The following PPIP5K1 variants were observed in gnomAD, a reference collection of about 807,000 sequenced individuals.
PPIP5K1 encodes inositol hexakisphosphate and diphosphoinositol-pentakisphosphate kinase 1.
Under a neutral mutation model 27.7 loss-of-function variants are expected in PPIP5K1, and 6 were observed. The ratio of observed to expected loss-of-function variants is 0.22; its 90% confidence interval spans 0.12 to 0.43. The LOEUF (loss-of-function observed/expected upper bound fraction) is 0.43, where lower values mean the gene tolerates loss of function less well. PPIP5K1 is among the 20% of genes least tolerant of loss of function. The pLI, the probability that PPIP5K1 is intolerant of heterozygous loss-of-function variation, is 1.00. For synonymous variants in PPIP5K1, 145 were observed against 242.6 expected, an observed-to-expected ratio of 0.60 and a Z score of 3.74; for missense variants, 394 against 635.4, an observed-to-expected ratio of 0.62 and a Z score of 4.08.
chr15:43,548,875 A>T (rs1034395099), intron 30 of PPIP5K1, among the ~76,000 whole-genome samples: 6 of 150,814 alleles, frequency 4.0e-5, no homozygotes, highest in Non-Finnish European at 7.4e-5. Flanking sequence ...AAATTAGAAA[A>T]AAATTAGCTG....
chr15:43,541,907 T>C (rs1015146342), intron 30 of PPIP5K1, among the ~76,000 whole-genome samples: 10 of 152,224 alleles, frequency 6.6e-5, no homozygotes, highest in African/African-American at 2.4e-4. Flanking sequence ...TTATGTTAAA[T>C]AATTTTGTTA....
intron 30 of PPIP5K1, among the ~76,000 whole-genome samples, chr15:43,547,089 G>A (rs1183498967): frequency 6.6e-6 from 1 of 152,048 alleles, no homozygotes; most frequent in East Asian, 1.9e-4. Context: ...ATTTTTAATG[G>A]CTATCCGGTG....
intron 9 of PPIP5K1, 36 bp downstream of exon 9, chr15:43,581,191 T>A (rs1277268837): frequency 1.3e-5 from 20 of 1,546,916 alleles, no homozygotes; most frequent in Non-Finnish European, 1.7e-5. Context: ...CCTTCCTTTC[T>A]CCTTCATTTC....
At chr15:43,547,383 T>C (rs546155762) in intron 30 of PPIP5K1, among the ~76,000 whole-genome samples, 7 of 152,366 alleles carry the variant, frequency 4.6e-5, no homozygotes, top group African/African-American at 1.7e-4. Flanking sequence ...GAAGTCTAAT[T>C]ATTTTTTCTT....
Position 43,533,607 on chromosome 15 carries a change from C to T in PPIP5K1, c.*1067G>A, listed in dbSNP as rs2079498517. On this transcript the variant is annotated 3_prime_UTR_variant, in exon 32 of 32. Coordinates refer to ENST00000420765, the MANE Select transcript of PPIP5K1 (RefSeq NM_001394395.1). ...AAAAGCTTCATAATCATATCTGGCC[C>T]TCAGACACAATGATATAAGGACAAA... 6.6e-6 allele frequency: 1 copy of T among 152,522 alleles called. No homozygotes were observed. Among genetic ancestry groups the T allele is most frequent in the South Asian group, 2.1e-4 (1 of 4,826 alleles). The allele number at this position is 152,522 out of a possible 1,614,324, so 9.4% of individuals were successfully genotyped here. A position where few individuals can be genotyped will look rare whatever the true frequency, so the allele number is the denominator to read the frequency against.
intron 30 of PPIP5K1, among the ~76,000 whole-genome samples, chr15:43,553,370 C>T (rs188413633): frequency 6.6e-6 from 1 of 151,574 alleles, no homozygotes; most frequent in Admixed American, 6.6e-5. Context: ...GACAGGATCT[C>T]ACTCTGTCAC....
At chr15:43,537,151 A>G (rs34388946) in intron 31 of PPIP5K1, among the ~76,000 whole-genome samples, 25,449 of 151,154 alleles carry the variant, frequency 0.17, 2,315 homozygotes, top group Middle Eastern at 0.26. Flanking sequence ...CCTGACCAAC[A>G]TAGTGAAACT....
intron 30 of PPIP5K1, among the ~76,000 whole-genome samples, chr15:43,557,955 C>T (rs2083220701): frequency 6.6e-6 from 1 of 151,576 alleles, no homozygotes; most frequent in Admixed American, 6.6e-5. Flanking sequence ...CATATGTGAG[C>T]CACTGCACCC....
chr15:43,557,603 G>T (rs2083154165), intron 30 of PPIP5K1, among the ~76,000 whole-genome samples: 1 of 152,016 alleles, frequency 6.6e-6, no homozygotes, highest in African/African-American at 2.4e-5. Flanking sequence ...ATGTGGTAGG[G>T]CTAGTATTTG....
At chr15:43,536,128 G>C (rs747958166) in intron 31 of PPIP5K1, 2 of 1,285,358 alleles carry the variant, frequency 1.6e-6, no homozygotes, top group Admixed American at 4.6e-5. Flanking sequence ...GAAAGAAAAT[G>C]GTTTACCTGG....
At position 43,534,431 on chromosome 15, in the gene PPIP5K1, C is replaced by A; in HGVS notation, c.*243G>T. 1 of 387,480 alleles carries A rather than the reference C, an allele frequency of 2.6e-6. No homozygotes were observed. Among genetic ancestry groups the A allele is most frequent in the Non-Finnish European group, 4.6e-6 (1 of 217,268 alleles). 24.0% of individuals were successfully genotyped at this position (387,480 alleles called of 1,614,324 possible). The stretch of plus-strand genomic sequence containing the variant: ...GCTTCATACAAAGAGAACTACTTCC[C>A]CAGACACCGCTGGTGAGAGCTGGCC... On this transcript the variant is annotated 3_prime_UTR_variant, in exon 32 of 32. Transcript: ENST00000420765.
At chr15:43,559,514 T>C (rs565508938) in intron 29 of PPIP5K1, among the ~76,000 whole-genome samples, 21 of 152,302 alleles carry the variant, frequency 1.4e-4, no homozygotes, top group Non-Finnish European at 2.8e-4. Flanking sequence ...ACCACATGCA[T>C]GAACAGGATG....
chr15:43,553,636 T>A (rs2082526816), intron 30 of PPIP5K1, among the ~76,000 whole-genome samples: 2 of 147,528 alleles, frequency 1.4e-5, no homozygotes, highest in Admixed American at 1.4e-4. Flanking sequence ...TCCTTACTAA[T>A]TTTCTGTGTG....
intron 30 of PPIP5K1, among the ~76,000 whole-genome samples, chr15:43,557,089 AG>A (rs2083058564): frequency 6.6e-6 from 1 of 152,176 alleles, no homozygotes; most frequent in African/African-American, 2.4e-5. Flanking sequence ...CCTGGTATAC[AG>A]TGTGGGTTCA....
At chr15:43,553,052 A>G (rs2082434911) in intron 30 of PPIP5K1, among the ~76,000 whole-genome samples, 1 of 152,230 alleles carries the variant, frequency 6.6e-6, no homozygotes, top group African/African-American at 2.4e-5. Context: ...ATAAAAAAGA[A>G]AAAGAATATG....
intron 31 of PPIP5K1, among the ~76,000 whole-genome samples, chr15:43,536,981 G>A (rs923970238): frequency 6.6e-6 from 1 of 152,082 alleles, no homozygotes; most frequent in Non-Finnish European, 1.5e-5. Context: ...GTAAACCTGA[G>A]CCTACAAAGG....
At chr15:43,548,239 C>A (rs1595769728) in intron 30 of PPIP5K1, among the ~76,000 whole-genome samples, 1 of 151,704 alleles carries the variant, frequency 6.6e-6, no homozygotes, top group South Asian at 2.1e-4. Context: ...GCTGGGACTA[C>A]AGGCACCCGC....
Position 43,535,363 on chromosome 15 carries a change from C to T in PPIP5K1, c.3784G>A (p.Ala1262Thr), listed in dbSNP as rs1386968679. The change falls in exon 32 of 32, where the codon GCT becomes ACT. Residue 1262 changes from alanine (A) to threonine (T), a missense_variant. Ala to Thr is a moderately conservative substitution (Grantham distance 58). This residue lies in a region of PPIP5K1 where 379 missense variants were observed against 423.9 expected (regional missense o/e 0.89). Coordinates refer to ENST00000420765, the MANE Select transcript of PPIP5K1 (RefSeq NM_001394395.1). ...SDQPSLNSHV[A>T]EEHQGLGLLQ... ...AGCCCAAGGCCTTGATGTTCTTCAG[C>T]CACGTGTGAATTTAGGGAGGGTTGA... The T allele has an allele frequency of 5.6e-6, 9 of 1,614,022 alleles. No individual in the cohort carries two copies. The highest frequency in any genetic ancestry group is 5.9e-6 in the Non-Finnish European group (7 of 1,180,040).
chr15:43,557,345 G>T (rs1433934126), intron 30 of PPIP5K1, among the ~76,000 whole-genome samples: 2 of 152,142 alleles, frequency 1.3e-5, no homozygotes, highest in Non-Finnish European at 2.9e-5. Context: ...TACTCAGGAG[G>T]CTGAGGCAGG....
Sources: gnomAD v4.1 joint callset for allele counts (sites outside exome capture counted in the v4.1 genomes callset) on GRCh38, gnomAD v4.1.1 for gene constraint, gnomAD v4.1.1 regional missense constraint, MANE v1.5 for transcripts, NCBI Gene and HGNC (gene_info 2026-07-23, HGNC 2026-07-21) for gene names.